CDHR2: variants seen among roughly 807,000 people sequenced by gnomAD.
CDHR2 encodes the protein cadherin related family member 2.
In CDHR2, 104 loss-of-function variants were observed where a neutral mutation model predicts 138.6. The observed-to-expected ratio is 0.75, with a 90% CI of 0.64 to 0.88. The LOEUF (loss-of-function observed/expected upper bound fraction) is 0.88. Among genes scored for constraint, CDHR2 ranks in the 40% least tolerant of loss-of-function variants. The probability of loss-of-function intolerance (pLI) is 0.00; values close to 1 mark genes in which losing one functional copy is unlikely to be tolerated. For synonymous variants in CDHR2, 755 were observed against 742.8 expected (o/e 1.02, Z -0.27); for missense variants, 1,624 against 1,727.6 (o/e 0.94, Z 1.06).
rs1209493771 is a variant in CDHR2, at chr5:176,543,099, C to T, written c.-16+330C>T. Among the ~76,000 whole-genome samples, 1 of 151,502 alleles carries T rather than the reference C, an allele frequency of 6.6e-6. No individual in the cohort carries two copies. The highest frequency in any genetic ancestry group is 1.5e-5 in the Non-Finnish European group (1 of 67,670). ...GAGAAGAGCGGCGCAGCTCCCGCTG[C>T]CGGGCCCGGGACTGCGAGCTCCCGC... On this transcript the variant is annotated intron_variant, in intron 1 of 31. Coordinates refer to the CDHR2 transcript ENST00000510636. This position sits in a 1 kb window ranked among gnomAD's most constrained non-coding sequence, Gnocchi z 4.0.
intron 2 of CDHR2, 61 bp downstream of exon 2, chr5:176,565,465 C>T (rs989599866): frequency 6.6e-7 from 1 of 1,512,566 alleles, no homozygotes; most frequent in African/African-American, 1.4e-5. Context: ...CAGGACCCTC[C>T]AGAAAGGAGG....
intron 16 of CDHR2, 119 bp from the exon 17 acceptor site, chr5:176,581,224 C>A (rs775657950): frequency 8.2e-6 from 11 of 1,348,182 alleles, no homozygotes; most frequent in Non-Finnish European, 1.0e-5. Context: ...GGCCCAGGGG[C>A]TCCAGGCCTG....
At position 176,595,663 on chromosome 5, in the gene CDHR2, G is replaced by A. The variant is rs541631603; in HGVS notation, c.3924G>A (p.Thr1308=). 5.6e-5 allele frequency: 89 copies of A among 1,592,786 alleles called. No individual in the cohort carries two copies. The Middle Eastern group carries it at 6.8e-4, about 12-fold the overall frequency. ...ACACCAACGCTGGCCTGGACACCACGGACCTGTGACAGGGGCCCCCACTCT... is the reference window on the plus strand; with the variant it reads ...ACACCAACGCTGGCCTGGACACCACAGACCTGTGACAGGGGCCCCCACTCT... The part of the protein sequence containing the change: ...PSYTNAGLDT[T]DL The change falls in exon 32 of 32, where the codon ACG becomes ACA. Residue 1308 remains threonine, a synonymous_variant. Coordinates refer to ENST00000261944, the MANE Select transcript of CDHR2 (RefSeq NM_017675.6).
Position 176,578,331 on chromosome 5 carries a change from G to A in CDHR2, c.1575-34G>A, listed in dbSNP as rs754186467. The A allele has an allele frequency of 6.9e-6, 11 of 1,587,288 alleles. No homozygotes were observed. In the Admixed American group the frequency reaches 1.1e-4, roughly 15 times the overall value. On this transcript the variant is annotated intron_variant, in intron 15 of 31. Transcript: ENST00000261944. The stretch of plus-strand genomic sequence containing the variant: ...ATTCACACTGAAATGGGCATCCTGT[G>A]TCTCTATTTGCTGAACCTGGCCCCT...
intron 1 of CDHR2, among the ~76,000 whole-genome samples, chr5:176,563,431 G>T (rs1311858265): frequency 6.6e-6 from 1 of 152,062 alleles, no homozygotes; most frequent in Non-Finnish European, 1.5e-5. Context: ...TGGATGAGCT[G>T]TAATTGCTTT....
chr5:176,586,977 C>A, intron 21 of CDHR2, 135 bp downstream of exon 21: 3 of 685,724 alleles, frequency 4.4e-6, no homozygotes, highest in Non-Finnish European at 5.1e-6. Context: ...GAAGGGAAAC[C>A]AACACCTGTC....
intron 30 of CDHR2, among the ~76,000 whole-genome samples, chr5:176,592,336 ATGG>A (rs1346101704): frequency 2.7e-5 from 2 of 75,260 alleles, no homozygotes; most frequent in African/African-American, 5.5e-5. Flanking sequence ...TGTTGAGGTG[ATGG>A]TGGTGATGGT....
At chr5:176,589,645 G>C in intron 24 of CDHR2, 29 bp downstream of exon 24, 2 of 1,603,416 alleles carry the variant, frequency 1.2e-6, no homozygotes, top group Non-Finnish European at 1.7e-6. Flanking sequence ...GGAGGGAGGG[G>C]TAGGAAGAAC....
chr5:176,576,020 G>A lies in CDHR2; in HGVS notation c.1029G>A (p.Val343=). 6.2e-7 allele frequency: 1 copy of A among 1,613,902 alleles called. No homozygotes were observed. Among genetic ancestry groups the A allele is most frequent in the Non-Finnish European group, 8.5e-7 (1 of 1,180,006 alleles). ...TGAGCATCTGGGTGACAGTGAGAGT[G>A]ATGGACGTCAATGACCACAAACCTG... ...AKVSIWVTVR[V]MDVNDHKPEF... The change falls in exon 12 of 32, where the codon GTG becomes GTA. Residue 343 remains valine (V), a synonymous_variant. Coordinates refer to ENST00000261944, the MANE Select transcript of CDHR2 (RefSeq NM_017675.6). This position sits in a 1 kb window ranked among gnomAD's most constrained non-coding sequence, Gnocchi z 4.5.
upstream of CDHR2, among the ~76,000 whole-genome samples, chr5:176,547,186 C>G (rs1263261644): frequency 6.6e-6 from 1 of 152,134 alleles, no homozygotes; most frequent in African/African-American, 2.4e-5. Context: ...ACCATTTTGG[C>G]CAGGCTGGTC....
intron 5 of CDHR2, among the ~76,000 whole-genome samples, chr5:176,570,811 T>G (rs1758207378): frequency 6.6e-6 from 1 of 151,158 alleles, no homozygotes; most frequent in Non-Finnish European, 1.5e-5. Flanking sequence ...ACTAACTGGG[T>G]GTGGTGGTGC....
At chr5:176,564,051 T>C (rs1713051071) in intron 1 of CDHR2, among the ~76,000 whole-genome samples, 1 of 152,160 alleles carries the variant, frequency 6.6e-6, no homozygotes, top group Admixed American at 6.6e-5. Flanking sequence ...AAGCCCTGTC[T>C]TACAGAAAGA....
upstream of CDHR2, among the ~76,000 whole-genome samples, chr5:176,547,235 C>A (rs1328274020): frequency 6.6e-6 from 1 of 152,086 alleles, no homozygotes; most frequent in Admixed American, 6.5e-5. Flanking sequence ...CCTCAGCCTC[C>A]CAAAGTGCTG....
At position 176,550,176 on chromosome 5, in the gene CDHR2, T is replaced by G. The variant is rs2113247165; in HGVS notation, c.-16+762T>G. On this transcript the variant is annotated intron_variant, in intron 1 of 31. Transcript: ENST00000261944. ...CCGAGGTCCGGCAGATGGAAACAAG[T>G]CATGGCCCGTGTGTAGACCCCTTGA... Among the ~76,000 whole-genome samples the G allele has an allele frequency of 2.0e-5, 3 of 152,324 alleles. No homozygotes were observed. The Middle Eastern group carries it at 0.01, about 518-fold the overall frequency.
At chr5:176,588,470 T>C (rs1020148670) in intron 21 of CDHR2, among the ~76,000 whole-genome samples, 3 of 132,328 alleles carry the variant, frequency 2.3e-5, no homozygotes, top group Non-Finnish European at 1.6e-5. Context: ...TGTGAGTGTA[T>C]GTGAGTGTGA....
rs768990575 is a variant in CDHR2 at position 176,584,399 on chromosome 5, C to T, written c.2129-11C>T. 3.1e-6 allele frequency: 5 copies of T among 1,599,288 alleles called. No individual in the cohort carries two copies. The highest frequency in any genetic ancestry group is 3.4e-6 in the Non-Finnish European group (4 of 1,171,278). ...TCAGGAGTCCTTCTGAGCTCTGCCC[C>T]TTGTCCACAGGAGTGCTAGTGGGCG... On this transcript the variant is annotated splice_polypyrimidine_tract_variant and intron_variant, in intron 18 of 31. Coordinates refer to ENST00000261944, the MANE Select transcript of CDHR2 (RefSeq NM_017675.6).
upstream of CDHR2, chr5:176,547,379 T>C (rs1757606945): frequency 6.6e-6 from 1 of 150,426 alleles, no homozygotes; most frequent in South Asian, 2.1e-4. Context: ...ATCTCTACAA[T>C]TACCCAGAAC....
rs975442103 is a variant in CDHR2 at position 176,584,196 on chromosome 5, A to G, written c.2065A>G (p.Asn689Asp). The stretch of plus-strand genomic sequence containing the variant: ...GACCTGTCTCTGACTGCAGGACATC[A>G]ATGATAACCTGCCCATCTTCAATCA... Reference protein sequence around the residue: ...VNVTITVEDINDNLPIFNQSS... With the variant: ...VNVTITVEDIDDNLPIFNQSS... The change falls in exon 18 of 32, where the codon AAT becomes GAT. Residue 689 changes from asparagine to aspartate, a missense_variant. Asn to Asp is a conservative substitution (Grantham distance 23, BLOSUM62 1). Transcript: ENST00000261944. The G allele has an allele frequency of 6.2e-7, 1 of 1,614,032 alleles. No homozygotes were observed. Among genetic ancestry groups the G allele is most frequent in the Non-Finnish European group, 8.5e-7 (1 of 1,179,926 alleles).
Position 176,577,611 on chromosome 5 carries a change from G to T in CDHR2, c.1351-26G>T, listed in dbSNP as rs370500601. 3.1e-6 allele frequency: 5 copies of T among 1,613,880 alleles called. No individual in the cohort carries two copies. In the African/African-American group the frequency reaches 6.7e-5, roughly 22 times the overall value. On this transcript the variant is annotated intron_variant, in intron 13 of 31. Coordinates refer to ENST00000261944, the MANE Select transcript of CDHR2 (RefSeq NM_017675.6). ...AGCCGAGGGGCACTTGGGCCCCACA[G>T]CTGCTGCCTCCTCCCCTGCCCCCAG... is the stretch of plus-strand genomic sequence containing the variant.
Sources: allele counts gnomAD v4.1 joint callset (sites outside exome capture counted in the v4.1 genomes callset), GRCh38; gene constraint gnomAD v4.1.1; non-coding constraint Gnocchi (gnomAD v3.1); transcripts MANE v1.5; gene names NCBI Gene and HGNC (gene_info 2026-07-23, HGNC 2026-07-21).